CCDC50: variants seen among roughly 807,000 people sequenced by gnomAD.
The protein encoded by CCDC50 is coiled-coil domain containing 50.
In CCDC50, 54 loss-of-function variants were observed where a neutral mutation model predicts 70.2. The observed-to-expected ratio is 0.77, with a 90% CI of 0.62 to 0.96. The LOEUF is 0.96. Ranked by LOEUF, CCDC50 falls within the 50% of genes least tolerant of loss-of-function variation. CCDC50 has a pLI of 0.00. For synonymous variants in CCDC50, 216 were observed against 198.8 expected, an observed-to-expected ratio of 1.09 and a Z score of -0.73; for missense variants, 558 against 578.7, an observed-to-expected ratio of 0.96 and a Z score of 0.37.
chr3:191,361,182 C>T lies in CCDC50; in HGVS notation c.330+23C>T, dbSNP rs551145309. On this transcript the variant is annotated intron_variant, in intron 4 of 11. Transcript: ENST00000392455. ...GAGGTATAACTTAGTTACTGCCCCT[C>T]TCCCTCATGGAGAAAGGGGTGCTCA... 2.6e-6 allele frequency: 4 copies of T among 1,545,312 alleles called. No homozygotes were observed. In the East Asian group the frequency reaches 9.0e-5, roughly 35 times the overall value.
intron 2 of CCDC50, among the ~76,000 whole-genome samples, chr3:191,357,676 G>A (rs1258477528): frequency 2.6e-5 from 4 of 152,134 alleles, no homozygotes; most frequent in Non-Finnish European, 4.4e-5. Flanking sequence ...TGAAAAATGC[G>A]GTTAATAAAT....
At position 191,389,565 on chromosome 3, in the gene CCDC50, C is replaced by A. The variant is rs1292654724; in HGVS notation, c.1392C>A (p.Ser464=). Residue 464 remains serine, a synonymous_variant, in exon 11 of 12, where the codon TCC becomes TCA. Coordinates refer to ENST00000392455, the MANE Select transcript of CCDC50 (RefSeq NM_178335.3). ...CTCATTTTACAAACCAGCAGAGTTC[C>A]ACACGGCATTTCTCAAAATCAGAGT... The part of the protein sequence containing the change: ...DYTHFTNQQS[S]TRHFSKSESS... 9 of 1,613,970 alleles carry A rather than the reference C, an allele frequency of 5.6e-6. No homozygotes were observed. Among genetic ancestry groups the A allele is most frequent in the Non-Finnish European group, 6.8e-6 (8 of 1,179,882 alleles).
At chr3:191,372,280 G>C (rs1187149101) in intron 5 of CCDC50, among the ~76,000 whole-genome samples, 1 of 152,146 alleles carries the variant, frequency 6.6e-6, no homozygotes, top group Non-Finnish European at 1.5e-5. Context: ...CAGACTTTGA[G>C]GGAGTTTTGA....
intron 9 of CCDC50, among the ~76,000 whole-genome samples, chr3:191,381,671 T>C (rs920859833): frequency 6.6e-6 from 1 of 152,034 alleles, no homozygotes; most frequent in African/African-American, 2.4e-5. Context: ...AGCTAACAAA[T>C]AGAAGGTTAA....
chr3:191,383,781 G>T (rs116476989), intron 10 of CCDC50, among the ~76,000 whole-genome samples: 38 of 152,194 alleles, frequency 2.5e-4, no homozygotes, highest in African/African-American at 8.7e-4. Flanking sequence ...AAGAATAGTG[G>T]CATATTCTGT....
At chr3:191,389,415 T>C in intron 10 of CCDC50, 81 bp from the exon 11 acceptor site, 1 of 1,212,778 alleles carries the variant, frequency 8.2e-7, no homozygotes, top group Admixed American at 1.7e-5. Flanking sequence ...GAAAATGTTT[T>C]TAGCTTGCAA....
intron 9 of CCDC50, among the ~76,000 whole-genome samples, chr3:191,381,258 C>T (rs1713308608): frequency 1.3e-5 from 2 of 152,102 alleles, no homozygotes; most frequent in African/African-American, 4.8e-5. Flanking sequence ...TTTTCACATG[C>T]TTTCATATTT....
chr3:191,382,400 A>G (rs1045897427), intron 9 of CCDC50, among the ~76,000 whole-genome samples: 2 of 152,132 alleles, frequency 1.3e-5, no homozygotes, highest in Non-Finnish European at 2.9e-5. Flanking sequence ...ATTACTGTGT[A>G]GCTATTATGT....
intron 10 of CCDC50, among the ~76,000 whole-genome samples, chr3:191,385,422 C>A (rs1208242326): frequency 6.6e-6 from 1 of 152,092 alleles, no homozygotes; most frequent in East Asian, 1.9e-4. Flanking sequence ...TTATGTTGAG[C>A]ATTTTTCATG....
chr3:191,354,740 G>T (rs558147573), intron 1 of CCDC50, among the ~76,000 whole-genome samples: 12 of 152,158 alleles, frequency 7.9e-5, no homozygotes, highest in African/African-American at 2.6e-4. Flanking sequence ...ATTTATACTA[G>T]TCCCTTCGTA....
chr3:191,354,253 C>CAAAA (rs10665706), intron 1 of CCDC50, among the ~76,000 whole-genome samples: 11,276 of 152,182 alleles, frequency 0.074, 552 homozygotes, highest in East Asian at 0.24. Flanking sequence ...GCTTTTGAAG[C>CAAAA]AGAATGGCTC....
chr3:191,344,787 C>T (rs1464974449), intron 1 of CCDC50, among the ~76,000 whole-genome samples: 1 of 152,192 alleles, frequency 6.6e-6, no homozygotes, highest in Non-Finnish European at 1.5e-5. Flanking sequence ...CTCTGTTGCC[C>T]AGGCTGGTCT....
intron 11 of CCDC50, among the ~76,000 whole-genome samples, chr3:191,390,895 G>C (rs751485640): frequency 6.6e-6 from 1 of 152,144 alleles, no homozygotes; most frequent in Non-Finnish European, 1.5e-5. Context: ...TGGTTCAAAC[G>C]CCTCTGACAG....
intron 10 of CCDC50, among the ~76,000 whole-genome samples, chr3:191,386,064 C>T (rs908614827): frequency 6.6e-6 from 1 of 151,910 alleles, no homozygotes; most frequent in Admixed American, 6.6e-5. Flanking sequence ...GTCATGCCTC[C>T]CTTTGTTCTT....
In CCDC50 at chr3:191,393,616, A is replaced by G. The variant is rs925443695; in HGVS notation, c.*1856A>G. 6.6e-6 allele frequency: 1 copy of G among 152,200 alleles called. No individual in the cohort carries two copies. The highest frequency in any genetic ancestry group is 1.5e-5 in the Non-Finnish European group (1 of 68,020). The allele number at this position is 152,200 out of a possible 1,614,324, so 9.4% of individuals were successfully genotyped here. ...GATAATCTACATCCCTACTTTATGT[A>G]GTCATTTTGGAGAAATGGAGGAAAA... On this transcript the variant is annotated 3_prime_UTR_variant, in exon 12 of 12. Coordinates refer to ENST00000392455, the MANE Select transcript of CCDC50 (RefSeq NM_178335.3).
intron 11 of CCDC50, 98 bp downstream of exon 11, chr3:191,389,700 A>G (rs1370197583): frequency 1.1e-6 from 1 of 901,062 alleles, no homozygotes; most frequent in East Asian, 2.4e-5. Flanking sequence ...ACTAGAGTGG[A>G]AAAATAAGTT....
chr3:191,369,359 G>C (rs900024218), intron 4 of CCDC50, among the ~76,000 whole-genome samples: 10 of 151,716 alleles, frequency 6.6e-5, no homozygotes, highest in African/African-American at 2.2e-4. Context: ...GAAACATTAC[G>C]GAATGTTATT....
At chr3:191,357,040 A>G (rs778697495) in intron 1 of CCDC50, 48 bp from the exon 2 acceptor site, 2 of 1,161,826 alleles carry the variant, frequency 1.7e-6, no homozygotes, top group Non-Finnish European at 2.6e-6. Flanking sequence ...TGTATGTTAA[A>G]GTATTACTAA....
chr3:191,374,846 CT>C (rs1346418062), intron 5 of CCDC50, among the ~76,000 whole-genome samples: 2 of 152,110 alleles, frequency 1.3e-5, no homozygotes, highest in Non-Finnish European at 2.9e-5. Flanking sequence ...ACTTTAGTTT[CT>C]TACCATTTTG....
Sources: allele counts gnomAD v4.1 joint callset (sites outside exome capture counted in the v4.1 genomes callset), GRCh38; gene constraint gnomAD v4.1.1; transcripts MANE v1.5; gene names NCBI Gene and HGNC (gene_info 2026-07-23, HGNC 2026-07-21).